The following HS3ST3A1 variants were observed in gnomAD, a reference collection of about 807,000 sequenced individuals.
The protein encoded by HS3ST3A1 is heparan sulfate glucosamine 3-O-sulfotransferase 3A1.
HS3ST3A1 carries 19 observed loss-of-function variants against 25.7 expected under a neutral mutation model. That is an observed-to-expected ratio of 0.74 (90% CI 0.52 to 1.08). HS3ST3A1 has a LOEUF of 1.08. Among genes scored for constraint, HS3ST3A1 ranks in the 50% least tolerant of loss-of-function variants. The pLI, the probability that HS3ST3A1 is intolerant of heterozygous loss-of-function variation, is 0.00. For missense variants in HS3ST3A1, 459 were observed against 594.3 expected (o/e 0.77, Z 2.37); for synonymous variants, 226 against 278.6 (o/e 0.81, Z 1.88).
At chr17:13,505,499 C>G (rs1905632804) in intron 1 of HS3ST3A1, among the ~76,000 whole-genome samples, 1 of 151,956 alleles carries the variant, frequency 6.6e-6, no homozygotes, top group African/African-American at 2.4e-5. Context: ...GGGGCTCTTC[C>G]AACAGAATCC....
chr17:13,542,567 A>T (rs777203830), intron 1 of HS3ST3A1, among the ~76,000 whole-genome samples: 1 of 152,160 alleles, frequency 6.6e-6, no homozygotes, highest in Non-Finnish European at 1.5e-5. Context: ...GTGAGACAAT[A>T]AACTGTTGTT....
chr17:13,513,670 A>C (rs952991963), intron 1 of HS3ST3A1, among the ~76,000 whole-genome samples: 7 of 152,194 alleles, frequency 4.6e-5, no homozygotes, highest in African/African-American at 1.7e-4. Context: ...CATTAATTAC[A>C]CATCTACTTC....
Position 13,496,076 on chromosome 17 carries a change from A to G in HS3ST3A1, c.*121T>C, listed in dbSNP as rs1905255324. ...GGGCGGGAGTGAGAACAATCTCTTA[A>G]CATTCATTGAAAAAAATACTGAAAC... is the stretch of plus-strand genomic sequence containing the variant. On this transcript the variant is annotated 3_prime_UTR_variant, in exon 2 of 2. Coordinates refer to ENST00000284110, the MANE Select transcript of HS3ST3A1 (RefSeq NM_006042.3). The G allele has an allele frequency of 8.2e-7, 1 of 1,216,444 alleles. No homozygotes were observed. The highest frequency in any genetic ancestry group is 1.1e-6 in the Non-Finnish European group (1 of 901,188). The allele number at this position is 1,216,444 out of a possible 1,614,324, so 75.4% of individuals were successfully genotyped here. A position where few individuals can be genotyped will look rare whatever the true frequency, so the allele number is the denominator to read the frequency against.
chr17:13,571,660 A>T (rs899586505), intron 1 of HS3ST3A1, among the ~76,000 whole-genome samples: 1 of 152,256 alleles, frequency 6.6e-6, no homozygotes, highest in East Asian at 1.9e-4. Flanking sequence ...AAACAAGTTT[A>T]GTAAAATGTA....
At chr17:13,575,391 T>C (rs1295279094) in intron 1 of HS3ST3A1, among the ~76,000 whole-genome samples, 1 of 152,216 alleles carries the variant, frequency 6.6e-6, no homozygotes, top group African/African-American at 2.4e-5. Context: ...TGAAACACAC[T>C]GGTAAGATAA....
At chr17:13,526,633 T>C (rs1397377718) in intron 1 of HS3ST3A1, among the ~76,000 whole-genome samples, 2 of 150,750 alleles carry the variant, frequency 1.3e-5, no homozygotes, top group African/African-American at 4.9e-5. Context: ...GTGGTCATTT[T>C]CTTTTTATTT....
chr17:13,553,504 C>T (rs554028394), intron 1 of HS3ST3A1, among the ~76,000 whole-genome samples: 1 of 152,266 alleles, frequency 6.6e-6, no homozygotes, highest in South Asian at 2.1e-4. Flanking sequence ...ATCTTCTCTA[C>T]CCTTGATTTT....
intron 1 of HS3ST3A1, among the ~76,000 whole-genome samples, chr17:13,547,945 A>C (rs1409353095): frequency 2.2e-5 from 1 of 45,294 alleles, no homozygotes; most frequent in African/African-American, 1.2e-4. Context: ...GGTGTGAGCC[A>C]AAAAAAAAAA....
intron 1 of HS3ST3A1, among the ~76,000 whole-genome samples, chr17:13,582,222 G>T (rs183954694): frequency 1.3e-5 from 2 of 152,234 alleles, no homozygotes; most frequent in East Asian, 3.9e-4. Context: ...CGGCCTTGGG[G>T]AGGAAGAAAA....
At chr17:13,534,164 T>C (rs1419032361) in intron 1 of HS3ST3A1, among the ~76,000 whole-genome samples, 1 of 152,188 alleles carries the variant, frequency 6.6e-6, no homozygotes, top group African/African-American at 2.4e-5. Context: ...GTAGCTGAGA[T>C]AACTCAAGTC....
chr17:13,498,463 C>A (rs1000809834), intron 1 of HS3ST3A1, among the ~76,000 whole-genome samples: 1 of 152,220 alleles, frequency 6.6e-6, no homozygotes, highest in African/African-American at 2.4e-5. Flanking sequence ...CTCCTTTTCC[C>A]CAAAGCCAGC....
intron 1 of HS3ST3A1, among the ~76,000 whole-genome samples, chr17:13,519,776 G>A (rs1376393129): frequency 1.3e-5 from 2 of 151,748 alleles, no homozygotes; most frequent in African/African-American, 2.4e-5. Flanking sequence ...TCTTTACCAA[G>A]TCTAGAAAAA....
chr17:13,560,996 A>G (rs969792183), intron 1 of HS3ST3A1, among the ~76,000 whole-genome samples: 3 of 152,130 alleles, frequency 2.0e-5, no homozygotes, highest in African/African-American at 7.2e-5. Flanking sequence ...GAGACCAGAA[A>G]CACATTGCTT....
At position 13,496,167 on chromosome 17, in the gene HS3ST3A1, T is replaced by C. The variant is rs750411039; in HGVS notation, c.*30A>G. 1.6e-6 allele frequency: 2 copies of C among 1,287,948 alleles called. No homozygotes were observed. The highest frequency in any genetic ancestry group is 1.0e-6 in the Non-Finnish European group (1 of 982,410). 79.8% of individuals were successfully genotyped at this position (1,287,948 alleles called of 1,614,324 possible). A position where few individuals can be genotyped will look rare whatever the true frequency, so the allele number is the denominator to read the frequency against. ...ATTGGTAAAAAAATATATTATATTT[T>C]GATTTTTTTTTTCTTTTTAAATTAT... On this transcript the variant is annotated 3_prime_UTR_variant, in exon 2 of 2. Transcript: ENST00000284110.
At chr17:13,497,899 G>C (rs553840432) in intron 1 of HS3ST3A1, among the ~76,000 whole-genome samples, 1 of 151,912 alleles carries the variant, frequency 6.6e-6, no homozygotes, top group Non-Finnish European at 1.5e-5. Context: ...TTTTTATTTC[G>C]CATCTGCAAG....
intron 1 of HS3ST3A1, among the ~76,000 whole-genome samples, chr17:13,533,194 T>C (rs1265301294): frequency 6.6e-6 from 1 of 152,274 alleles, no homozygotes; most frequent in East Asian, 1.9e-4. Context: ...AAGTTAGGCT[T>C]TCACATTTGC....
In HS3ST3A1 at chr17:13,531,512, T is replaced by G. The variant is rs9889329; in HGVS notation, c.600-34694A>C. Among the ~76,000 whole-genome samples, 814 of 152,144 alleles carry G rather than the reference T, an allele frequency of 5.4e-3. 7 individuals carry two copies. The highest frequency in any genetic ancestry group is 0.019 in the African/African-American group (778 of 41,456). On this transcript the variant is annotated intron_variant, in intron 1 of 1. Coordinates refer to ENST00000284110, the MANE Select transcript of HS3ST3A1 (RefSeq NM_006042.3). ...CCTCCTTGAATGTTATAAACTTGAA[T>G]GGGAAAAAATGTTCATTCTCCTTCC...
At chr17:13,527,793 G>A (rs76264708) in intron 1 of HS3ST3A1, among the ~76,000 whole-genome samples, 5,205 of 152,244 alleles carry the variant, frequency 0.034, 116 homozygotes, top group African/African-American at 0.064. Flanking sequence ...CTGGCTTTGT[G>A]GAGTTTAGCT....
chr17:13,513,793 G>A (rs1271096469), intron 1 of HS3ST3A1, among the ~76,000 whole-genome samples: 3 of 152,138 alleles, frequency 2.0e-5, no homozygotes, highest in African/African-American at 7.2e-5. Context: ...TCATTCACAT[G>A]TTTAATTGTT....
Sources: gnomAD v4.1 joint callset for allele counts (sites outside exome capture counted in the v4.1 genomes callset) on GRCh38, gnomAD v4.1.1 for gene constraint, MANE v1.5 for transcripts, NCBI Gene and HGNC (gene_info 2026-07-23, HGNC 2026-07-21) for gene names.